GLI2: variants seen among roughly 807,000 people sequenced by gnomAD.
GLI2 encodes the protein transcription activator GLI2.
GLI2 carries 22 observed loss-of-function variants against 78.9 expected under a neutral mutation model. The observed-to-expected ratio is 0.28, with a 90% CI of 0.20 to 0.40. GLI2 has a LOEUF of 0.40. Ranked by LOEUF, GLI2 falls within the 10% of genes least tolerant of loss-of-function variation. The pLI is 1.00. For synonymous variants in GLI2, 974 were observed against 963.7 expected (o/e 1.01, Z -0.20); for missense variants, 2,097 against 2,213.2 (o/e 0.95, Z 1.05).
At chr2:120,832,514 C>T (rs906607023) in intron 2 of GLI2, among the ~76,000 whole-genome samples, 9 of 152,144 alleles carry the variant, frequency 5.9e-5, no homozygotes, top group African/African-American at 2.2e-4. Context: ...CTAAACCTCG[C>T]TTGCTTCTCC....
At chr2:120,890,867 C>T (rs552263578) in intron 2 of GLI2, among the ~76,000 whole-genome samples, 1 of 152,262 alleles carries the variant, frequency 6.6e-6, no homozygotes, top group South Asian at 2.1e-4. Context: ...AGCTTGGCTT[C>T]GTGAAGCTGG....
chr2:120,984,769 A>G (rs751156299), intron 12 of GLI2, 26 bp downstream of exon 12: 16 of 1,609,242 alleles, frequency 9.9e-6, no homozygotes, highest in African/African-American at 1.3e-5. Context: ...CAGCCCAGCC[A>G]CGCAAGGCGA....
chr2:120,741,161 G>A (rs546177873), intron 1 of GLI2, among the ~76,000 whole-genome samples: 53 of 152,184 alleles, frequency 3.5e-4, no homozygotes, highest in Non-Finnish European at 6.6e-4. Context: ...ACACAGTTAA[G>A]TATCTCCCTT....
chr2:120,755,658 C>T (rs924477494), intron 1 of GLI2, among the ~76,000 whole-genome samples: 1 of 151,780 alleles, frequency 6.6e-6, no homozygotes, highest in Non-Finnish European at 1.5e-5. Flanking sequence ...AAATATTTGC[C>T]TAAATTGAAG....
chr2:120,962,937 G>A (rs1296081622), intron 5 of GLI2, among the ~76,000 whole-genome samples: 2 of 152,124 alleles, frequency 1.3e-5, no homozygotes, highest in Non-Finnish European at 2.9e-5. Flanking sequence ...TACCGTATTT[G>A]CCACTCAGTT....
intron 2 of GLI2, among the ~76,000 whole-genome samples, chr2:120,854,607 C>G (rs751143804): frequency 1.4e-4 from 21 of 152,180 alleles, no homozygotes; most frequent in Non-Finnish European, 2.9e-4. Flanking sequence ...TTGGTCTCCA[C>G]GATGTGTATG....
intron 2 of GLI2, among the ~76,000 whole-genome samples, chr2:120,847,795 G>A (rs72971966): frequency 0.15 from 23,254 of 151,534 alleles, 1,946 homozygotes; most frequent in Middle Eastern, 0.26. Flanking sequence ...GAGCCAGGGA[G>A]TTGATTTAAT....
At chr2:120,788,352 A>C (rs1684054926) in intron 1 of GLI2, among the ~76,000 whole-genome samples, 1 of 152,204 alleles carries the variant, frequency 6.6e-6, no homozygotes, top group Non-Finnish European at 1.5e-5. Flanking sequence ...CTGGATTTTA[A>C]AGCATGGCAT....
intron 2 of GLI2, among the ~76,000 whole-genome samples, chr2:120,882,285 C>T (rs1677191239): frequency 2.0e-5 from 3 of 152,286 alleles, no homozygotes; most frequent in Admixed American, 2.0e-4. Context: ...TGGGTTGGGT[C>T]TCCAGGGCAG....
At chr2:120,904,896 G>A (rs766797156) in intron 2 of GLI2, among the ~76,000 whole-genome samples, 7 of 152,240 alleles carry the variant, frequency 4.6e-5, no homozygotes, top group Non-Finnish European at 8.8e-5. Flanking sequence ...AGAGAGAAGG[G>A]AGGGAGTTTG....
At chr2:120,928,477 G>A (rs1426502145) in intron 3 of GLI2, among the ~76,000 whole-genome samples, 1 of 152,208 alleles carries the variant, frequency 6.6e-6, no homozygotes, top group Non-Finnish European at 1.5e-5. Flanking sequence ...CTGCCTCCCA[G>A]CCAGCTCTGA....
In GLI2 at chr2:120,872,453, A is replaced by G. The variant is rs1052058185; in HGVS notation, c.149-54908A>G. Among the ~76,000 whole-genome samples, 2 of 152,218 alleles carry G rather than the reference A, an allele frequency of 1.3e-5. 1 individual carries two copies. Among genetic ancestry groups the G allele is most frequent in the Admixed American group, 1.3e-4 (2 of 15,284 alleles). ...GGTGGACACAGGGGCTGCAGGATGC[A>G]TAGAATGTTAGGGTCCTGCCTACCA... On this transcript the variant is annotated intron_variant, in intron 2 of 13. Transcript: ENST00000361492.
chr2:120,925,795 G>A (rs112025446), intron 2 of GLI2, among the ~76,000 whole-genome samples: 4,456 of 152,270 alleles, frequency 0.029, 71 homozygotes, highest in Middle Eastern at 0.048. Context: ...TAAATGGGCC[G>A]GGCGTGGTGG....
In GLI2 at chr2:120,984,551, C is replaced by T. The variant is rs1394408818; in HGVS notation, c.1713C>T (p.Val571=). ...PSSLRKHVKT[V]HGPDAHVTKK... ...CTCTCCGGAAGCATGTGAAAACGGTCCACGGCCCAGATGCCCACGTCACCA... is the reference window on the plus strand; with the variant it reads ...CTCTCCGGAAGCATGTGAAAACGGTTCACGGCCCAGATGCCCACGTCACCA... The change falls in exon 12 of 14, where the codon GTC becomes GTT. Residue 571 remains valine, a synonymous_variant. Transcript: ENST00000361492. The T allele has an allele frequency of 6.2e-7, 1 of 1,614,210 alleles. No individual in the cohort carries two copies. Among genetic ancestry groups the T allele is most frequent in the Non-Finnish European group, 8.5e-7 (1 of 1,180,036 alleles).
intron 2 of GLI2, among the ~76,000 whole-genome samples, chr2:120,923,149 CATACACAGCA>C (rs1679468933): frequency 1.3e-5 from 2 of 150,692 alleles, no homozygotes; most frequent in Non-Finnish European, 3.0e-5. Flanking sequence ...CACACATACA[CATACACAGCA>C]ACATACACAC....
intron 1 of GLI2, among the ~76,000 whole-genome samples, chr2:120,777,895 G>C (rs568694534): frequency 1.3e-5 from 2 of 152,152 alleles, no homozygotes; most frequent in African/African-American, 4.8e-5. Context: ...CCAGGCTGGG[G>C]TGCAGAGCCC....
chr2:120,810,888 G>C (rs1246252374), intron 2 of GLI2, among the ~76,000 whole-genome samples: 3 of 152,228 alleles, frequency 2.0e-5, no homozygotes, highest in Non-Finnish European at 4.4e-5. Flanking sequence ...CTGGCATTCT[G>C]ATAGCTCTGA....
At chr2:120,942,109 G>A (rs1349733156) in intron 3 of GLI2, among the ~76,000 whole-genome samples, 4 of 152,272 alleles carry the variant, frequency 2.6e-5, no homozygotes, top group South Asian at 4.2e-4. Context: ...TAGTGACGGT[G>A]ATGTCTGCCA....
At chr2:120,871,814 A>G (rs574655510) in intron 2 of GLI2, among the ~76,000 whole-genome samples, 10 of 152,292 alleles carry the variant, frequency 6.6e-5, no homozygotes, top group African/African-American at 1.9e-4. Context: ...ATAAGAGTAA[A>G]TGAGTTATTG....
Sources: allele counts gnomAD v4.1 joint callset (sites outside exome capture counted in the v4.1 genomes callset), GRCh38; gene constraint gnomAD v4.1.1; transcripts MANE v1.5; gene names NCBI Gene and HGNC (gene_info 2026-07-23, HGNC 2026-07-21).